ZNF507: variants seen among roughly 807,000 people sequenced by gnomAD.
ZNF507 encodes the protein zinc finger protein 507.
Under a neutral mutation model 80.0 loss-of-function variants are expected in ZNF507, and 29 were observed. The ratio of observed to expected loss-of-function variants is 0.36; its 90% CI spans 0.27 to 0.49. The LOEUF (loss-of-function observed/expected upper bound fraction) is 0.49. ZNF507 is among the 20% of genes least tolerant of loss of function. The pLI is 0.98. For synonymous variants in ZNF507, 462 were observed against 422.5 expected (o/e 1.09, Z -1.15); for missense variants, 1,081 against 1,152.2 (o/e 0.94, Z 0.90).
intron 4 of ZNF507, chr19:32,357,064 C>T (rs565026138): frequency 1.4e-5 from 3 of 211,102 alleles, no homozygotes; most frequent in East Asian, 2.4e-4. Flanking sequence ...CTCCCTCTCT[C>T]GGCACCAGTT....
intron 5 of ZNF507, among the ~76,000 whole-genome samples, chr19:32,365,405 T>C (rs951421363): frequency 8.5e-5 from 13 of 152,224 alleles, no homozygotes; most frequent in Non-Finnish European, 1.3e-4. Context: ...ATGAAATCCT[T>C]GCCTACGCCA....
intron 5 of ZNF507, among the ~76,000 whole-genome samples, chr19:32,371,539 G>C (rs1967471759): frequency 6.6e-6 from 1 of 151,804 alleles, no homozygotes; most frequent in South Asian, 2.1e-4. Flanking sequence ...CTCTGGAAAG[G>C]AAGGGGAGGC....
chr19:32,354,226 G>A lies in ZNF507; in HGVS notation c.1396G>A (p.Glu466Lys), dbSNP rs753257091. The A allele has an allele frequency of 5.0e-6, 8 of 1,613,820 alleles. No individual in the cohort carries two copies. The African/African-American group carries it at 8.0e-5, about 16-fold the overall frequency. ...IGWSSSEKKDELMNKGLATDE... is the reference protein window; with the variant it reads ...IGWSSSEKKDKLMNKGLATDE... ...CTGGAGCAGTTCAGAGAAAAAAGAC[G>A]AGTTAATGAATAAAGGCCTGGCTAC... The change falls in exon 3 of 7, where the codon GAG (glutamate) becomes AAG (lysine). Residue 466 changes from glutamate to lysine, a missense_variant. Coordinates refer to ENST00000355898, the MANE Select transcript of ZNF507 (RefSeq NM_001136156.2).
intron 5 of ZNF507, among the ~76,000 whole-genome samples, chr19:32,360,878 C>CCAGTT (rs1967313690): frequency 6.6e-6 from 1 of 152,084 alleles, no homozygotes; most frequent in African/African-American, 2.4e-5. Flanking sequence ...CTCAAGGGAT[C>CCAGTT]CTCCCACATC....
Position 32,354,325 on chromosome 19 carries a change from G to A in ZNF507, c.1495G>A (p.Ala499Thr). The A allele has an allele frequency of 6.2e-7, 1 of 1,614,142 alleles. No individual in the cohort carries two copies. Among genetic ancestry groups the A allele is most frequent in the Non-Finnish European group, 8.5e-7 (1 of 1,180,030 alleles). The stretch of plus-strand genomic sequence containing the variant: ...TCGATTACACTCATTAGCTGCAGAA[G>A]CCCTTGTCACAATGCCTATAAGAGC... ...SLRLHSLAAE[A>T]LVTMPIRAAE... is the part of the protein sequence containing the mutation. Residue 499 changes from alanine to threonine, a missense_variant, in exon 3 of 7, where the codon GCC (alanine) becomes ACC (threonine). By Grantham distance (58) the Ala-to-Thr change is moderately conservative. Around this residue, in one of 6 missense-constraint regions of ZNF507, gnomAD observed 614 missense variants for 583.9 expected, o/e 1.05. Coordinates refer to ENST00000355898, the MANE Select transcript of ZNF507 (RefSeq NM_001136156.2).
At chr19:32,359,241 C>G (rs537683447) in intron 4 of ZNF507, 1 of 152,160 alleles carries the variant, frequency 6.6e-6, no homozygotes, top group East Asian at 1.9e-4. Context: ...TAGATTTATA[C>G]CAGGAAATTA....
Position 32,360,556 on chromosome 19 carries a change from A to G in ZNF507, c.2298A>G (p.Thr766=), listed in dbSNP as rs755922044. ...KQYRCDVCDY[T]STTYVGVRNH... ...ATAGATGTGATGTGTGTGATTATAC[A>G]AGTACAACATATGTTGGTGTCAGAA... Residue 766 remains threonine (T), a synonymous_variant, in exon 5 of 7, where the codon ACA becomes ACG. Coordinates refer to ENST00000355898, the MANE Select transcript of ZNF507 (RefSeq NM_001136156.2). 1.9e-6 allele frequency: 3 copies of G among 1,604,512 alleles called. No individual in the cohort carries two copies. The highest frequency in any genetic ancestry group is 1.3e-5 in the African/African-American group (1 of 74,636).
intron 4 of ZNF507, chr19:32,357,789 G>T (rs1967271979): frequency 1.3e-5 from 2 of 152,066 alleles, no homozygotes; most frequent in Admixed American, 6.6e-5. Flanking sequence ...CCCTTTAAAG[G>T]AGACATTAAA....
chr19:32,383,087 G>A lies in ZNF507; in HGVS notation c.*4G>A, dbSNP rs1441218265. The stretch of plus-strand genomic sequence containing the variant: ...TACAGCTCTAAACACAAATTAGGTG[G>A]AATAATGACTCGAGCAGGAAAGCAG... On this transcript the variant is annotated 3_prime_UTR_variant, in exon 7 of 7. Coordinates refer to ENST00000355898, the MANE Select transcript of ZNF507 (RefSeq NM_001136156.2). The A allele has an allele frequency of 1.5e-5, 24 of 1,607,528 alleles. No individual in the cohort carries two copies. The highest frequency in any genetic ancestry group is 2.0e-5 in the Non-Finnish European group (23 of 1,174,918).
At chr19:32,377,857 C>T (rs1312419127) in intron 5 of ZNF507, among the ~76,000 whole-genome samples, 1 of 152,140 alleles carries the variant, frequency 6.6e-6, no homozygotes, top group Admixed American at 6.5e-5. Flanking sequence ...AGAAACCTGA[C>T]CTCAGCCAGG....
rs200853216 is a variant in ZNF507 at position 32,382,617 on chromosome 19, C to G, written c.2495+16C>G. The G allele has an allele frequency of 6.2e-7, 1 of 1,613,932 alleles. No homozygotes were observed. The highest frequency in any genetic ancestry group is 1.1e-5 in the South Asian group (1 of 91,062). On this transcript the variant is annotated intron_variant, in intron 6 of 6. Coordinates refer to ENST00000355898, the MANE Select transcript of ZNF507 (RefSeq NM_001136156.2). ...AAAGTGGCAGGTATTTCATCCTACC[C>G]CCTCCCTTTATTGCTATATGTAAAT...
intron 5 of ZNF507, among the ~76,000 whole-genome samples, chr19:32,380,862 G>A (rs191291185): frequency 9.2e-5 from 14 of 152,006 alleles, no homozygotes; most frequent in Non-Finnish European, 5.9e-5. Flanking sequence ...CCGGGAGTTT[G>A]AGACTGTAGT....
At chr19:32,361,411 A>G (rs1050067077) in intron 5 of ZNF507, among the ~76,000 whole-genome samples, 5 of 152,194 alleles carry the variant, frequency 3.3e-5, no homozygotes, top group African/African-American at 1.2e-4. Context: ...TGGGAAAGTT[A>G]TTGTATTAAT....
At position 32,383,699 on chromosome 19, in the gene ZNF507, A is replaced by C. The variant is rs932100356; in HGVS notation, c.*616A>C. On this transcript the variant is annotated 3_prime_UTR_variant, in exon 7 of 7. Transcript: ENST00000355898. ...TAAAAAAGAAAGGAAAGATCTCTAA[A>C]TTCAAAGCTAGATTGTAAATAGGCA... 14 of 152,252 alleles carry C rather than the reference A, an allele frequency of 9.2e-5. No individual in the cohort carries two copies. Among genetic ancestry groups the C allele is most frequent in the Non-Finnish European group, 1.9e-4 (13 of 68,064 alleles). The allele number at this position is 152,252 out of a possible 1,614,324, so 9.4% of individuals were successfully genotyped here.
At position 32,381,452 on chromosome 19, in the gene ZNF507, T is replaced by G. The variant is rs796414438; in HGVS notation, c.2361-1015T>G. On this transcript the variant is annotated intron_variant, in intron 5 of 6. Transcript: ENST00000355898. ...CCATCTCTACCAAAAATATGAAAAT[T>G]AGGCAGGCGTGGAAGTGCATGCCTG... Among the ~76,000 whole-genome samples the G allele has an allele frequency of 9.2e-5, 14 of 152,052 alleles. 1 individual carries two copies. The highest frequency in any genetic ancestry group is 3.4e-4 in the African/African-American group (14 of 41,456).
chr19:32,367,794 A>C (rs1300398196), intron 5 of ZNF507, among the ~76,000 whole-genome samples: 1 of 152,202 alleles, frequency 6.6e-6, no homozygotes, highest in Non-Finnish European at 1.5e-5. Context: ...GACAGTTTGG[A>C]ATGGAAATGA....
chr19:32,358,970 A>G (rs1967286962), intron 4 of ZNF507: 1 of 152,212 alleles, frequency 6.6e-6, no homozygotes, highest in South Asian at 2.1e-4. Flanking sequence ...TATTCTTTCC[A>G]TTGGAAACAG....
chr19:32,376,903 CAG>C (rs201715251), intron 5 of ZNF507, among the ~76,000 whole-genome samples: 6 of 151,430 alleles, frequency 4.0e-5, no homozygotes, highest in African/African-American at 4.8e-5. Context: ...GCAGCAGAGG[CAG>C]AGAGAGAGAG....
In ZNF507 at chr19:32,353,142, G is replaced by C. The variant is rs776389612; in HGVS notation, c.312G>C (p.Glu104Asp). ...CTGCTGCTGATACTAGAAGGGCTGA[G>C]ATGTCACAAACAAATTTTACCCCTG... is the stretch of plus-strand genomic sequence containing the variant. Reference protein sequence around the residue: ...QSPAADTRRAEMSQTNFTPDT... With the variant: ...QSPAADTRRADMSQTNFTPDT... The change falls in exon 3 of 7, where the codon GAG becomes GAC. Residue 104 changes from glutamate (E) to aspartate (D), a missense_variant. This residue lies in a region of ZNF507 where 275 missense variants were observed against 303.9 expected (regional missense o/e 0.90). Coordinates refer to ENST00000355898, the MANE Select transcript of ZNF507 (RefSeq NM_001136156.2). The C allele has an allele frequency of 1.2e-6, 2 of 1,614,224 alleles. No homozygotes were observed. Among genetic ancestry groups the C allele is most frequent in the Admixed American group, 3.3e-5 (2 of 60,026 alleles).
Sources: gnomAD v4.1 joint callset for allele counts (sites outside exome capture counted in the v4.1 genomes callset) on GRCh38, gnomAD v4.1.1 for gene constraint, gnomAD v4.1.1 regional missense constraint, MANE v1.5 for transcripts, NCBI Gene and HGNC (gene_info 2026-07-23, HGNC 2026-07-21) for gene names.